Variants in MNAT1 observed in about 807,000 individuals in gnomAD.
The protein encoded by MNAT1 is CDK-activating kinase assembly factor MAT1.
In MNAT1, 43 loss-of-function variants were observed where a neutral mutation model predicts 42.0. That is an observed-to-expected ratio of 1.02 (90% confidence interval 0.80 to 1.32). The LOEUF (loss-of-function observed/expected upper bound fraction) is 1.32. MNAT1 is among the 40% of genes most tolerant of loss of function. The pLI is 0.00. For synonymous variants in MNAT1, 118 were observed against 120.0 expected (o/e 0.98, Z 0.11); for missense variants, 306 against 350.4 (o/e 0.87, Z 1.01).
In MNAT1 at chr14:60,969,083, A is replaced by G. The variant is rs1481329845; in HGVS notation, c.*734A>G. Reference sequence around the variant, plus strand: ...ACTTAAATGATACCTTTCACCTCCAATGTAAGCTCATTTTATGATGAATCC... The same window carrying G: ...ACTTAAATGATACCTTTCACCTCCAGTGTAAGCTCATTTTATGATGAATCC... On this transcript the variant is annotated 3_prime_UTR_variant, in exon 8 of 8. Transcript: ENST00000261245. The G allele has an allele frequency of 6.6e-6, 1 of 152,430 alleles. No homozygotes were observed. The highest frequency in any genetic ancestry group is 2.4e-5 in the African/African-American group (1 of 41,454). 9.4% of individuals were successfully genotyped at this position (152,430 alleles called of 1,614,324 possible). A position where few individuals can be genotyped will look rare whatever the true frequency, so the allele number is the denominator to read the frequency against.
At chr14:60,876,115 A>G (rs1401497673) in intron 6 of MNAT1, among the ~76,000 whole-genome samples, 1 of 152,084 alleles carries the variant, frequency 6.6e-6, no homozygotes, top group African/African-American at 2.4e-5. Context: ...TTTATGAAGA[A>G]GACACTTTGA....
chr14:60,746,943 C>T (rs1428756455), intron 1 of MNAT1, among the ~76,000 whole-genome samples: 8,148 of 23,536 alleles, frequency 0.35, 1,886 homozygotes, highest in Non-Finnish European at 0.62. Flanking sequence ...CACACACACA[C>T]ACACACACAC....
At chr14:60,914,797 A>G (rs2035476028) in intron 7 of MNAT1, among the ~76,000 whole-genome samples, 1 of 152,226 alleles carries the variant, frequency 6.6e-6, no homozygotes, top group Non-Finnish European at 1.5e-5. Flanking sequence ...GGTCCTATAT[A>G]GAAGGTTAAA....
chr14:60,766,786 C>T (rs1010785165), intron 1 of MNAT1, among the ~76,000 whole-genome samples: 3 of 152,120 alleles, frequency 2.0e-5, no homozygotes, highest in Non-Finnish European at 4.4e-5. Flanking sequence ...CATTGTATGA[C>T]TAGATTTCAT....
intron 7 of MNAT1, among the ~76,000 whole-genome samples, chr14:60,900,421 A>G (rs1250577234): frequency 6.6e-6 from 1 of 152,228 alleles, no homozygotes; most frequent in Non-Finnish European, 1.5e-5. Context: ...GATAGATCGA[A>G]GAAGCAAGAA....
At chr14:60,909,711 G>A (rs2139523367) in intron 7 of MNAT1, among the ~76,000 whole-genome samples, 1 of 152,306 alleles carries the variant, frequency 6.6e-6, no homozygotes, top group Non-Finnish European at 1.5e-5. Flanking sequence ...GTACCATGCT[G>A]TTTTGGTTAC....
Position 60,740,110 on chromosome 14 carries a change from A to G in MNAT1, c.89+5159A>G, listed in dbSNP as rs1290015347. Among the ~76,000 whole-genome samples, 1 of 151,928 alleles carries G rather than the reference A, an allele frequency of 6.6e-6. No homozygotes were observed. Among genetic ancestry groups the G allele is most frequent in the Non-Finnish European group, 1.5e-5 (1 of 67,966 alleles). On this transcript the variant is annotated intron_variant, in intron 1 of 7. Transcript: ENST00000261245. The surrounding 1 kb of genome is among the most constrained non-coding windows in gnomAD (Gnocchi z 4.1). ...GCAGAGGTTGCAGTGAGCCGAGATC[A>G]CACCACTGCACTCCAGCCTAGGCTA...
intron 3 of MNAT1, among the ~76,000 whole-genome samples, chr14:60,801,230 G>A (rs2032192182): frequency 6.6e-6 from 1 of 151,752 alleles, no homozygotes; most frequent in Non-Finnish European, 1.5e-5. Flanking sequence ...GTTGGAGAAT[G>A]AGCAAGTAGT....
At chr14:60,893,049 T>C (rs1293237480) in intron 7 of MNAT1, among the ~76,000 whole-genome samples, 1 of 152,124 alleles carries the variant, frequency 6.6e-6, no homozygotes, top group Non-Finnish European at 1.5e-5. Context: ...TTAAAAAAGA[T>C]ATTAGTCTCT....
At chr14:60,884,835 T>A (rs2034626726) in intron 7 of MNAT1, among the ~76,000 whole-genome samples, 1 of 152,076 alleles carries the variant, frequency 6.6e-6, no homozygotes, top group Non-Finnish European at 1.5e-5. Context: ...AATGTTCTTT[T>A]CTTTCTAATT....
intron 6 of MNAT1, among the ~76,000 whole-genome samples, chr14:60,854,401 A>G (rs1480173974): frequency 2.0e-5 from 3 of 152,190 alleles, no homozygotes; most frequent in African/African-American, 4.8e-5. Context: ...TGGAATTTTC[A>G]GCATTTTTAC....
intron 7 of MNAT1, among the ~76,000 whole-genome samples, chr14:60,912,497 G>A (rs962775810): frequency 6.6e-6 from 1 of 152,166 alleles, no homozygotes; most frequent in Admixed American, 6.5e-5. Context: ...TCCTTCAGGA[G>A]CTTTTGTAGG....
intron 1 of MNAT1, among the ~76,000 whole-genome samples, chr14:60,789,654 A>G (rs888290480): frequency 2.6e-5 from 4 of 152,180 alleles, no homozygotes; most frequent in Non-Finnish European, 4.4e-5. Flanking sequence ...TTCCTCAACC[A>G]TATCCCTGAA....
chr14:60,888,333 A>C (rs912624393), intron 7 of MNAT1, among the ~76,000 whole-genome samples: 1 of 152,082 alleles, frequency 6.6e-6, no homozygotes, highest in Non-Finnish European at 1.5e-5. Context: ...TATTAACAGA[A>C]CCAAAGACAA....
chr14:60,833,293 C>T (rs552083634), intron 6 of MNAT1, among the ~76,000 whole-genome samples: 39 of 152,126 alleles, frequency 2.6e-4, no homozygotes, highest in African/African-American at 7.7e-4. Flanking sequence ...TTGCCCATTC[C>T]GTATGATATT....
At chr14:60,906,119 G>A (rs1202674145) in intron 7 of MNAT1, among the ~76,000 whole-genome samples, 1 of 152,130 alleles carries the variant, frequency 6.6e-6, no homozygotes, top group Non-Finnish European at 1.5e-5. Flanking sequence ...GGGAGAGTCA[G>A]CAGGAACTGT....
chr14:60,823,151 G>A (rs2032948290), intron 6 of MNAT1, among the ~76,000 whole-genome samples: 1 of 152,158 alleles, frequency 6.6e-6, no homozygotes, highest in Non-Finnish European at 1.5e-5. Context: ...GGATGAAGAG[G>A]TGGGTCTTAC....
At chr14:60,887,239 A>G (rs535669612) in intron 7 of MNAT1, among the ~76,000 whole-genome samples, 10 of 148,938 alleles carry the variant, frequency 6.7e-5, no homozygotes, top group South Asian at 4.3e-4. Context: ...TTTTGTTTTT[A>G]TTTTATTTTA....
Position 60,856,717 on chromosome 14 carries a change from T to C in MNAT1, c.688-22997T>C, listed in dbSNP as rs540446686. Among the ~76,000 whole-genome samples, 523 of 151,140 alleles carry C rather than the reference T, an allele frequency of 3.5e-3. 3 individuals carry two copies. The highest frequency in any genetic ancestry group is 0.011 in the African/African-American group (457 of 41,162). On this transcript the variant is annotated intron_variant, in intron 6 of 7. Coordinates refer to ENST00000261245, the MANE Select transcript of MNAT1 (RefSeq NM_002431.4). ...TTTTTTTTGAGATGGAGTCTCACTC[T>C]GTCACCAGGCTGGAGTGCAGTGGCA...
Sources: gnomAD v4.1 joint callset for allele counts (sites outside exome capture counted in the v4.1 genomes callset) on GRCh38, gnomAD v4.1.1 for gene constraint, Gnocchi (gnomAD v3.1) non-coding constraint, MANE v1.5 for transcripts, NCBI Gene and HGNC (gene_info 2026-07-23, HGNC 2026-07-21) for gene names.